The following HEPH variants were observed in gnomAD, a reference collection of about 807,000 sequenced individuals.
HEPH encodes hephaestin.
Under a neutral mutation model 80.8 loss-of-function variants are expected in HEPH, and 69 were observed. That is an observed-to-expected ratio of 0.85 (90% confidence interval 0.70 to 1.04). The LOEUF (loss-of-function observed/expected upper bound fraction) is 1.04, where lower values mean the gene tolerates loss of function less well. Ranked by LOEUF, HEPH falls within the 50% of genes least tolerant of loss-of-function variation. The pLI, the probability that HEPH is intolerant of heterozygous loss-of-function variation, is 0.00. For synonymous variants in HEPH, 431 were observed against 322.8 expected (o/e 1.34, Z -3.60); for missense variants, 1,115 against 891.3 (o/e 1.25, Z -3.20).
At chrX:66,168,555 G>A (rs1027331839) in intron 1 of HEPH, among the ~76,000 whole-genome samples, 1 of 111,747 alleles carries the variant, frequency 8.9e-6, no homozygotes, top group Admixed American at 9.5e-5. Context: ...AGAGCTTTCT[G>A]CCAAATATAA....
At position 66,189,874 on chromosome X, in the gene HEPH, T is replaced by A; in HGVS notation, c.999T>A (p.Ala333=). The A allele has an allele frequency of 8.3e-7, 1 of 1,201,999 alleles. No individual in the cohort carries two copies. The highest frequency in any genetic ancestry group is 1.1e-6 in the Non-Finnish European group (1 of 889,963). Reference sequence around the variant, plus strand: ...TCTTTCCAGCCACCTTTGTGACTGCTGAGATGGTGCCCTGGGAACCTGGTA... The same window carrying A: ...TCTTTCCAGCCACCTTTGTGACTGCAGAGATGGTGCCCTGGGAACCTGGTA... ...ANIFPATFVT[A]EMVPWEPGTW... Residue 333 remains alanine (A), a synonymous_variant, in exon 6 of 21, where the codon GCT becomes GCA. Transcript: ENST00000343002.
intron 14 of HEPH, 145 bp downstream of exon 14, chrX:66,207,479 C>A (rs751239364): frequency 7.0e-6 from 3 of 429,092 alleles, no homozygotes; most frequent in African/African-American, 2.6e-5. Context: ...TATGAAACAA[C>A]CATGACAATA....
At chrX:66,211,597 C>CT (rs750309087) in intron 15 of HEPH, among the ~76,000 whole-genome samples, 70 of 111,436 alleles carry the variant, frequency 6.3e-4, no homozygotes, top group African/African-American at 2.2e-3. Flanking sequence ...CAATGTTTGT[C>CT]TTTTTGTGTC....
At chrX:66,185,974 A>T (rs1284202898) in intron 4 of HEPH, among the ~76,000 whole-genome samples, 1 of 8,731 alleles carries the variant, frequency 1.1e-4, no homozygotes, top group Non-Finnish European at 1.9e-4. Flanking sequence ...GTGAGGTGTC[A>T]GTGTGCCCCT....
intron 15 of HEPH, among the ~76,000 whole-genome samples, chrX:66,233,683 T>A (rs1406897342): frequency 9.1e-6 from 1 of 110,263 alleles, no homozygotes; most frequent in Non-Finnish European, 1.9e-5. Context: ...AGTATTAGAT[T>A]TTTGTCTTTC....
At chrX:66,237,618 T>TG (rs1183189288) in intron 15 of HEPH, among the ~76,000 whole-genome samples, 1 of 112,297 alleles carries the variant, frequency 8.9e-6, no homozygotes, top group African/African-American at 3.2e-5. Context: ...TGGATAGTTA[T>TG]GTAGATTTCT....
At chrX:66,201,956 CCTTT>C in intron 12 of HEPH, among the ~76,000 whole-genome samples, 1 of 111,828 alleles carries the variant, frequency 8.9e-6, no homozygotes, top group South Asian at 3.7e-4. Flanking sequence ...ATGAGTAGAC[CCTTT>C]CTTTCAACGT....
intron 15 of HEPH, among the ~76,000 whole-genome samples, chrX:66,249,314 T>A (rs974151268): frequency 1.1e-4 from 12 of 112,173 alleles, no homozygotes; most frequent in African/African-American, 2.9e-4. Context: ...ACTTATTTCA[T>A]ATATACAATG....
chrX:66,218,741 A>G (rs748275281), intron 15 of HEPH, among the ~76,000 whole-genome samples: 47 of 111,074 alleles, frequency 4.2e-4, no homozygotes, highest in Middle Eastern at 4.6e-3. Flanking sequence ...CGATTGAGCA[A>G]GCAGGGGGTA....
intron 1 of HEPH, among the ~76,000 whole-genome samples, chrX:66,167,989 C>T (rs977961797): frequency 5.4e-5 from 6 of 111,972 alleles, no homozygotes; most frequent in Admixed American, 9.5e-5. Flanking sequence ...TGGCCTCCAT[C>T]GCCATGTCGT....
chrX:66,254,518 A>G, intron 15 of HEPH, among the ~76,000 whole-genome samples: 1 of 110,982 alleles, frequency 9.0e-6, no homozygotes, highest in Non-Finnish European at 1.9e-5. Flanking sequence ...TCAGCATCTA[A>G]TTGAATATTT....
chrX:66,176,112 T>C (rs765801327), intron 4 of HEPH, among the ~76,000 whole-genome samples: 2 of 111,825 alleles, frequency 1.8e-5, no homozygotes, highest in Non-Finnish European at 3.8e-5. Context: ...AGGGAATGCT[T>C]TCAACTTTTC....
intron 9 of HEPH, among the ~76,000 whole-genome samples, 179 bp downstream of exon 9, chrX:66,195,408 A>C (rs1231761948): frequency 9.0e-6 from 1 of 111,423 alleles, no homozygotes; most frequent in East Asian, 2.8e-4. Flanking sequence ...AATAAGAGAA[A>C]ATTTCTTTTA....
intron 15 of HEPH, among the ~76,000 whole-genome samples, chrX:66,210,895 TTTTG>T (rs891243611): frequency 9.0e-6 from 1 of 111,119 alleles, no homozygotes; most frequent in Non-Finnish European, 1.9e-5. Context: ...GGGGGCAGTT[TTTTG>T]TTTGTTTGTT....
At chrX:66,190,628 C>T (rs1424382256) in intron 6 of HEPH, among the ~76,000 whole-genome samples, 2 of 111,869 alleles carry the variant, frequency 1.8e-5, no homozygotes, top group Admixed American at 9.5e-5. Context: ...TGGTCTAAAT[C>T]GTCTCTTAAA....
intron 4 of HEPH, among the ~76,000 whole-genome samples, chrX:66,187,804 G>T (rs961961225): frequency 4.5e-5 from 5 of 111,457 alleles, no homozygotes; most frequent in African/African-American, 1.3e-4. Context: ...AATTACTCCT[G>T]ACTCTTGTCC....
rs777146332 is a variant in HEPH at position 66,188,458 on chromosome X, A to G, written c.725A>G (p.Asn242Ser). 3 of 1,209,657 alleles carry G rather than the reference A, an allele frequency of 2.5e-6. No homozygotes were observed. Among genetic ancestry groups the G allele is most frequent in the Non-Finnish European group, 3.4e-6 (3 of 894,028 alleles). The change falls in exon 5 of 21, where the codon AAT (asparagine) becomes AGT (serine). Residue 242 changes from asparagine (N) to serine (S), a missense_variant. Transcript: ENST00000343002. Reference protein sequence around the residue: ...VVDENLSWHLNENIATYCSDP... With the variant: ...VVDENLSWHLSENIATYCSDP... ...GATGAGAACCTCAGCTGGCATCTCA[A>G]TGAGAACATTGCCACTTACTGCTCA... is the stretch of plus-strand genomic sequence containing the variant.
chrX:66,232,350 T>C (rs2090184407), intron 15 of HEPH, among the ~76,000 whole-genome samples: 1 of 111,715 alleles, frequency 9.0e-6, no homozygotes, highest in Non-Finnish European at 1.9e-5. Context: ...AAATTTACTC[T>C]AAGTGTTGTT....
At chrX:66,204,703 G>A (rs2147818809) in intron 13 of HEPH, among the ~76,000 whole-genome samples, 1 of 111,679 alleles carries the variant, frequency 9.0e-6, no homozygotes, top group South Asian at 3.7e-4. Context: ...TGAATTATCA[G>A]CAACTACTGA....
Sources: allele counts gnomAD v4.1 joint callset (sites outside exome capture counted in the v4.1 genomes callset), GRCh38; gene constraint gnomAD v4.1.1; transcripts MANE v1.5; gene names NCBI Gene and HGNC (gene_info 2026-07-23, HGNC 2026-07-21).